Variants in ZPBP observed in about 807,000 individuals in gnomAD.
The protein encoded by ZPBP is zona pellucida-binding protein 1.
ZPBP carries 26 observed loss-of-function variants against 44.8 expected under a neutral mutation model. The ratio of observed to expected loss-of-function variants is 0.58; its 90% CI spans 0.43 to 0.81. ZPBP has a LOEUF of 0.81. Ranked by LOEUF, ZPBP falls within the 30% of genes least tolerant of loss-of-function variation. The pLI, the probability that ZPBP is intolerant of heterozygous loss-of-function variation, is 0.00. For missense variants in ZPBP, 409 were observed against 434.0 expected, an observed-to-expected ratio of 0.94 and a Z score of 0.51; for synonymous variants, 174 against 153.2, an observed-to-expected ratio of 1.14 and a Z score of -1.00.
intron 7 of ZPBP, among the ~76,000 whole-genome samples, chr7:49,979,715 T>C (rs1366824431): frequency 6.7e-6 from 1 of 148,828 alleles, no homozygotes; most frequent in Non-Finnish European, 1.5e-5. Flanking sequence ...GTTTAAGTCT[T>C]CTTTGAATAA....
At chr7:50,024,551 T>C (rs1011079779) in intron 5 of ZPBP, among the ~76,000 whole-genome samples, 2 of 151,672 alleles carry the variant, frequency 1.3e-5, no homozygotes, top group Non-Finnish European at 2.9e-5. Context: ...TGAAGACATA[T>C]GTTAAGTGAA....
chr7:49,871,790 TG>T (rs1314972281), intron 2 of ZPBP, among the ~76,000 whole-genome samples: 3 of 151,996 alleles, frequency 2.0e-5, no homozygotes, highest in Non-Finnish European at 4.4e-5. Context: ...GCATGCATTT[TG>T]TAATTACATT....
intron 2 of ZPBP, among the ~76,000 whole-genome samples, chr7:49,852,990 C>A (rs1407814728): frequency 6.6e-6 from 1 of 152,214 alleles, no homozygotes; most frequent in Non-Finnish European, 1.5e-5. Flanking sequence ...CTACTCCAGT[C>A]CAGAGCCCTT....
chr7:50,013,807 C>A (rs1194078406), intron 6 of ZPBP, among the ~76,000 whole-genome samples: 1 of 151,966 alleles, frequency 6.6e-6, no homozygotes, highest in Non-Finnish European at 1.5e-5. Flanking sequence ...AGTAATTACA[C>A]AATTATTTGA....
chr7:49,985,692 T>C (rs1797242793), intron 6 of ZPBP, among the ~76,000 whole-genome samples: 1 of 147,176 alleles, frequency 6.8e-6, no homozygotes, highest in Non-Finnish European at 1.5e-5. Context: ...GAAAACCTAG[T>C]GATAGATGCA....
intron 2 of ZPBP, among the ~76,000 whole-genome samples, chr7:49,873,268 C>A (rs780130174): frequency 2.3e-4 from 35 of 152,266 alleles, no homozygotes; most frequent in Admixed American, 3.9e-4. Flanking sequence ...AGTCCAATAT[C>A]AAGAGGCCTG....
At chr7:50,060,892 C>T (rs1259828995) in intron 3 of ZPBP, among the ~76,000 whole-genome samples, 3 of 152,096 alleles carry the variant, frequency 2.0e-5, no homozygotes, top group Non-Finnish European at 4.4e-5. Flanking sequence ...CCCTGATGAA[C>T]ATAGATGTAA....
intron 7 of ZPBP, among the ~76,000 whole-genome samples, chr7:49,957,373 G>A (rs1795650744): frequency 6.6e-6 from 1 of 152,182 alleles, no homozygotes; most frequent in Admixed American, 6.5e-5. Context: ...CAGGCCCAGA[G>A]TGCCAAGGTC....
intron 3 of ZPBP, among the ~76,000 whole-genome samples, chr7:50,072,156 G>A (rs1801869753): frequency 1.3e-5 from 2 of 152,300 alleles, no homozygotes; most frequent in South Asian, 4.1e-4. Context: ...TGCCCTGAAG[G>A]GTAAGTCCCA....
chr7:50,064,201 G>A (rs1340930765), intron 3 of ZPBP, among the ~76,000 whole-genome samples: 5 of 152,132 alleles, frequency 3.3e-5, no homozygotes, highest in Non-Finnish European at 7.3e-5. Context: ...AAACCAGCAA[G>A]TTTTTATTAG....
downstream of ZPBP, chr7:49,937,401 AT>A: frequency 1.4e-6 from 1 of 734,858 alleles, no homozygotes; most frequent in Non-Finnish European, 2.4e-6. Context: ...GACATACAGT[AT>A]TTGATTAAAA....
At chr7:49,869,864 C>G (rs1458708563) in intron 2 of ZPBP, among the ~76,000 whole-genome samples, 11 of 152,040 alleles carry the variant, frequency 7.2e-5, no homozygotes, top group Non-Finnish European at 1.5e-4. Flanking sequence ...GGTACCCATT[C>G]AGAAAAGAAT....
intron 1 of ZPBP, chr7:49,916,122 T>A (rs993890165): frequency 6.6e-6 from 1 of 152,220 alleles, no homozygotes; most frequent in East Asian, 1.9e-4. Context: ...TTATGTCATA[T>A]CCTCACTTCA....
At chr7:50,053,242 T>G (rs1800777098) in intron 4 of ZPBP, among the ~76,000 whole-genome samples, 1 of 152,194 alleles carries the variant, frequency 6.6e-6, no homozygotes, top group Admixed American at 6.5e-5. Context: ...AATCTACATT[T>G]ATCTCAAAAC....
chr7:50,051,683 A>T (rs1367130027), intron 4 of ZPBP, among the ~76,000 whole-genome samples: 7 of 152,186 alleles, frequency 4.6e-5, no homozygotes, highest in Non-Finnish European at 2.9e-5. Flanking sequence ...GCTGGAAGCC[A>T]TTATCTTCAG....
chr7:49,928,851 C>T (rs140649310), intron 1 of ZPBP, among the ~76,000 whole-genome samples: 43 of 152,256 alleles, frequency 2.8e-4, no homozygotes, highest in African/African-American at 7.9e-4. Flanking sequence ...AAACTGGAAC[C>T]GGCACAAATC....
intron 2 of ZPBP, among the ~76,000 whole-genome samples, chr7:49,900,930 A>G (rs190000032): frequency 6.6e-6 from 1 of 152,038 alleles, no homozygotes; most frequent in Non-Finnish European, 1.5e-5. Flanking sequence ...CATGGGATTT[A>G]TCCCAGGTAT....
intron 4 of ZPBP, among the ~76,000 whole-genome samples, chr7:50,056,595 A>T (rs1382020048): frequency 1.3e-5 from 2 of 152,208 alleles, no homozygotes; most frequent in Non-Finnish European, 2.9e-5. Context: ...TGTCTGCCAC[A>T]CATGGGTCCC....
intron 6 of ZPBP, among the ~76,000 whole-genome samples, chr7:49,991,663 T>A (rs1373459890): frequency 6.6e-6 from 1 of 152,116 alleles, no homozygotes; most frequent in Non-Finnish European, 1.5e-5. Flanking sequence ...ATTTATATTT[T>A]GAAATTATTA....
Sources: allele counts gnomAD v4.1 joint callset (sites outside exome capture counted in the v4.1 genomes callset), GRCh38; gene constraint gnomAD v4.1.1; transcripts MANE v1.5; gene names NCBI Gene and HGNC (gene_info 2026-07-23, HGNC 2026-07-21).